MVB12B: variants seen among roughly 807,000 people sequenced by gnomAD.
The protein encoded by MVB12B is ESCRT-I complex subunit MVB12B.
MVB12B carries 16 observed loss-of-function variants against 41.6 expected under a neutral mutation model. The ratio of observed to expected loss-of-function variants is 0.38; its 90% CI spans 0.26 to 0.58. MVB12B has a LOEUF of 0.58. MVB12B is among the 20% of genes least tolerant of loss of function. MVB12B has a pLI of 0.62. For synonymous variants in MVB12B, 133 were observed against 139.7 expected (o/e 0.95, Z 0.34); for missense variants, 274 against 380.2 (o/e 0.72, Z 2.32).
intron 4 of MVB12B, among the ~76,000 whole-genome samples, chr9:126,388,984 A>G (rs531196068): frequency 2.0e-5 from 3 of 152,314 alleles, no homozygotes; most frequent in Admixed American, 1.3e-4. Flanking sequence ...TGGAGCCACA[A>G]TGGGTTTTCC....
At chr9:126,390,282 AG>A (rs1830909868) in intron 4 of MVB12B, among the ~76,000 whole-genome samples, 2 of 152,252 alleles carry the variant, frequency 1.3e-5, no homozygotes, top group East Asian at 3.8e-4. Context: ...GTGTTGGCAC[AG>A]TGCATCCAAC....
At chr9:126,467,090 T>C (rs761978333) in intron 7 of MVB12B, among the ~76,000 whole-genome samples, 1 of 152,048 alleles carries the variant, frequency 6.6e-6, no homozygotes, top group Non-Finnish European at 1.5e-5. Context: ...CACCTCGGCC[T>C]GCCAAAGTGC....
intron 1 of MVB12B, among the ~76,000 whole-genome samples, chr9:126,335,639 T>C (rs1341601730): frequency 6.6e-6 from 1 of 152,248 alleles, no homozygotes; most frequent in African/African-American, 2.4e-5. Flanking sequence ...AGACCCTTTC[T>C]ATGAAGGCCG....
intron 9 of MVB12B, among the ~76,000 whole-genome samples, chr9:126,497,682 C>T (rs1260563297): frequency 3.3e-5 from 5 of 152,220 alleles, no homozygotes; most frequent in Non-Finnish European, 7.4e-5. Context: ...CCAAGGCCCA[C>T]CTGCTCGTGA....
intron 7 of MVB12B, among the ~76,000 whole-genome samples, chr9:126,465,011 C>G (rs1276591914): frequency 6.6e-6 from 1 of 152,208 alleles, no homozygotes; most frequent in Non-Finnish European, 1.5e-5. Context: ...CACCTTCTCT[C>G]TTCTTGCCCT....
Position 126,480,001 on chromosome 9 carries a change from G to A in MVB12B, c.758-1368G>A, listed in dbSNP as rs10733678. Among the ~76,000 whole-genome samples the A allele has an allele frequency of 0.42, 63,592 of 151,746 alleles. 13,798 individuals are homozygous for A. Among genetic ancestry groups the A allele is most frequent in the East Asian group, 0.7 (3,600 of 5,148 alleles). On this transcript the variant is annotated intron_variant, in intron 7 of 9. Transcript: ENST00000361171. The surrounding 1 kb of genome is among the most constrained non-coding windows in gnomAD (Gnocchi z 4.9). ...ACTCTTCTGTGTTAGGACTGAGAAA[G>A]AAAAAATATGACCACTGAAGGTTCC... is the stretch of plus-strand genomic sequence containing the variant.
At chr9:126,461,023 G>A (rs938251237) in intron 7 of MVB12B, among the ~76,000 whole-genome samples, 1 of 152,226 alleles carries the variant, frequency 6.6e-6, no homozygotes, top group Admixed American at 6.5e-5. Context: ...ACTGTTATGA[G>A]GTCTGGGGAC....
chr9:126,441,246 G>A (rs527256842), intron 7 of MVB12B, among the ~76,000 whole-genome samples: 8 of 152,252 alleles, frequency 5.3e-5, no homozygotes, highest in Middle Eastern at 3.4e-3. Context: ...ATTCCTCTGC[G>A]AGGCTTGAAG....
intron 7 of MVB12B, among the ~76,000 whole-genome samples, chr9:126,465,129 CT>C (rs1564341163): frequency 6.6e-6 from 1 of 152,182 alleles, no homozygotes; most frequent in African/African-American, 2.4e-5. Flanking sequence ...TAGAAATCAG[CT>C]GTCATGTAGG....
intron 6 of MVB12B, among the ~76,000 whole-genome samples, chr9:126,400,247 G>A (rs1217395311): frequency 6.6e-6 from 1 of 152,206 alleles, no homozygotes; most frequent in Non-Finnish European, 1.5e-5. Context: ...AGGTGGGGAT[G>A]GAGGGGTGGA....
Position 126,381,057 on chromosome 9 carries a change from G to T in MVB12B, c.205-7G>T. 1.2e-6 allele frequency: 2 copies of T among 1,612,390 alleles called. No individual in the cohort carries two copies. The highest frequency in any genetic ancestry group is 1.3e-5 in the African/African-American group (1 of 74,996). On this transcript the variant is annotated splice_region_variant and splice_polypyrimidine_tract_variant and intron_variant, in intron 2 of 9. Coordinates refer to ENST00000361171, the MANE Select transcript of MVB12B (RefSeq NM_033446.3). ...CTGCAATCCTTTTCTCTGTCTCTCC[G>T]GTGTAGGTTGCACAGACAGCAGATG...
chr9:126,381,676 T>A (rs535894838), intron 3 of MVB12B, among the ~76,000 whole-genome samples: 54 of 146,814 alleles, frequency 3.7e-4, no homozygotes, highest in African/African-American at 6.5e-4. Context: ...TCTATGCTTT[T>A]AAAAAAAAAA....
chr9:126,438,439 G>A (rs986146939), intron 7 of MVB12B, among the ~76,000 whole-genome samples: 15 of 152,080 alleles, frequency 9.9e-5, no homozygotes, highest in Admixed American at 2.0e-4. Flanking sequence ...ATGATAATTC[G>A]TCTCTAACAT....
chr9:126,392,212 G>T lies in MVB12B; in HGVS notation c.539+17G>T. On this transcript the variant is annotated intron_variant, in intron 5 of 9. Transcript: ENST00000361171. This position sits in a 1 kb window ranked among gnomAD's most constrained non-coding sequence, Gnocchi z 4.8. Reference sequence around the variant, plus strand: ...GTTTATTGGGTGAGTCTTAATAACAGGACTGTCAGCTGCTTCTCTTCCCTG... The same window carrying T: ...GTTTATTGGGTGAGTCTTAATAACATGACTGTCAGCTGCTTCTCTTCCCTG... The T allele has an allele frequency of 6.2e-7, 1 of 1,613,360 alleles. No homozygotes were observed. Among genetic ancestry groups the T allele is most frequent in the South Asian group, 1.1e-5 (1 of 91,062 alleles).
At position 126,462,713 on chromosome 9, in the gene MVB12B, G is replaced by A. The variant is rs541904157; in HGVS notation, c.758-18656G>A. Among the ~76,000 whole-genome samples the A allele has an allele frequency of 3.3e-5, 5 of 152,294 alleles. No individual in the cohort carries two copies. In the South Asian group the frequency reaches 1.0e-3, roughly 32 times the overall value. On this transcript the variant is annotated intron_variant, in intron 7 of 9. Coordinates refer to ENST00000361171, the MANE Select transcript of MVB12B (RefSeq NM_033446.3). ...AATCTTAAGGTTGAGCTGAGACCATGGTTAGAGTGGCTGGCTGAATTGTTC... is the reference window on the plus strand; with the variant it reads ...AATCTTAAGGTTGAGCTGAGACCATAGTTAGAGTGGCTGGCTGAATTGTTC...
intron 2 of MVB12B, among the ~76,000 whole-genome samples, chr9:126,357,312 T>C (rs1829908016): frequency 6.6e-6 from 1 of 152,242 alleles, no homozygotes; most frequent in East Asian, 1.9e-4. Flanking sequence ...GCTGTGAACA[T>C]GCATATGCAA....
intron 7 of MVB12B, among the ~76,000 whole-genome samples, chr9:126,451,947 A>G (rs1057132961): frequency 6.6e-6 from 1 of 152,160 alleles, no homozygotes; most frequent in Non-Finnish European, 1.5e-5. Flanking sequence ...GACACCTGGA[A>G]TGCCGCGGGC....
intron 7 of MVB12B, among the ~76,000 whole-genome samples, chr9:126,464,367 T>C (rs1833156109): frequency 1.3e-5 from 2 of 152,114 alleles, no homozygotes; most frequent in Admixed American, 6.5e-5. Context: ...CAGGCCAGAA[T>C]AGCTAAATCC....
intron 7 of MVB12B, among the ~76,000 whole-genome samples, chr9:126,437,211 T>C (rs1019297933): frequency 4.6e-5 from 7 of 152,148 alleles, no homozygotes; most frequent in African/African-American, 1.7e-4. Flanking sequence ...AACTCCATAG[T>C]TTAATTTTTT....
Sources: gnomAD v4.1 joint callset for allele counts (sites outside exome capture counted in the v4.1 genomes callset) on GRCh38, gnomAD v4.1.1 for gene constraint, Gnocchi (gnomAD v3.1) non-coding constraint, MANE v1.5 for transcripts, NCBI Gene and HGNC (gene_info 2026-07-23, HGNC 2026-07-21) for gene names.